The following NID1 variants were observed in gnomAD, a reference collection of about 807,000 sequenced individuals.
NID1 encodes the protein nidogen-1.
A neutral mutation model predicts 130.6 loss-of-function variants in NID1; 76 were observed. The ratio of observed to expected loss-of-function variants is 0.58; its 90% confidence interval spans 0.48 to 0.70. The LOEUF is 0.70. Among genes scored for constraint, NID1 ranks in the 30% least tolerant of loss-of-function variants. The pLI, the probability that NID1 is intolerant of heterozygous loss-of-function variation, is 0.00. For missense variants in NID1, 1,517 were observed against 1,664.8 expected (o/e 0.91, Z 1.54); for synonymous variants, 665 against 675.1 (o/e 0.98, Z 0.23).
At chr1:236,038,843 AT>A (rs1388512657) in intron 4 of NID1, among the ~76,000 whole-genome samples, 9 of 127,432 alleles carry the variant, frequency 7.1e-5, no homozygotes, top group African/African-American at 2.9e-4. Flanking sequence ...TATAATAAAT[AT>A]TACCTATGTT....
intron 5 of NID1, among the ~76,000 whole-genome samples, chr1:236,034,461 C>CATGAAATA (rs1659194400): frequency 6.7e-6 from 1 of 149,760 alleles, no homozygotes; most frequent in African/African-American, 2.5e-5. Context: ...AAGAAAAAGG[C>CATGAAATA]ATGAAATACT....
intron 12 of NID1, among the ~76,000 whole-genome samples, chr1:235,997,087 G>A (rs1657949280): frequency 1.3e-5 from 2 of 152,080 alleles, no homozygotes; most frequent in South Asian, 4.1e-4. Flanking sequence ...GCCCGCCTCA[G>A]CCTCCCAAAG....
At chr1:236,048,265 G>A (rs183360486) in intron 2 of NID1, among the ~76,000 whole-genome samples, 31 of 151,854 alleles carry the variant, frequency 2.0e-4, no homozygotes, top group African/African-American at 6.8e-4. Flanking sequence ...AACCGGGGAG[G>A]CGAAGCTTGC....
intron 1 of NID1, among the ~76,000 whole-genome samples, chr1:236,052,564 T>A (rs2102848525): frequency 6.6e-6 from 1 of 152,288 alleles, no homozygotes; most frequent in African/African-American, 2.4e-5. Context: ...CTCAAATAAC[T>A]TCATTGCATT....
chr1:236,031,547 C>CAAAG (rs1439613916), intron 6 of NID1, among the ~76,000 whole-genome samples: 109 of 152,330 alleles, frequency 7.2e-4, no homozygotes, highest in African/African-American at 2.5e-3. Flanking sequence ...GCAGTGTTTC[C>CAAAG]TCTAATAAAG....
At chr1:236,020,237 A>G (rs1437652533) in intron 9 of NID1, among the ~76,000 whole-genome samples, 2 of 152,108 alleles carry the variant, frequency 1.3e-5, no homozygotes, top group African/African-American at 4.8e-5. Flanking sequence ...CTTTCACAGG[A>G]TCACTTTCTA....
chr1:236,041,090 G>A (rs779916730), intron 4 of NID1, among the ~76,000 whole-genome samples: 7 of 150,926 alleles, frequency 4.6e-5, no homozygotes, highest in Non-Finnish European at 8.9e-5. Flanking sequence ...TCTTTTCGAG[G>A]CAGAGACTCA....
chr1:236,050,040 GAAA>G (rs61477102), intron 1 of NID1, among the ~76,000 whole-genome samples: 5 of 130,632 alleles, frequency 3.8e-5, no homozygotes, highest in African/African-American at 8.3e-5. Context: ...CATCTCAGGG[GAAA>G]AAAAAAAAAA....
At position 236,032,535 on chromosome 1, in the gene NID1, C is replaced by T. The variant is rs751680686; in HGVS notation, c.1403G>A (p.Arg468His). 9.3e-6 allele frequency: 15 copies of T among 1,614,004 alleles called. No homozygotes were observed. Among genetic ancestry groups the T allele is most frequent in the Admixed American group, 5.0e-5 (3 of 59,996 alleles). Residue 468 changes from arginine to histidine, a missense_variant, in exon 6 of 20, where the codon CGC (arginine) becomes CAC (histidine). Around this residue, in one of 3 missense-constraint regions of NID1, gnomAD observed 1,329 missense variants for 1,429.2 expected, o/e 0.93. Coordinates refer to ENST00000264187, the MANE Select transcript of NID1 (RefSeq NM_002508.3). ...AATGGTGCTGATGGCTGTGTAGGAG[C>T]GCCCGTGGTTCATTACTACGTAAGA... The part of the protein sequence containing the change: ...LHSYVVMNHG[R>H]SYTAISTIPE...
rs975349155 is a variant in NID1, at chr1:236,013,292, G to A, written c.2404+119C>T. On this transcript the variant is annotated intron_variant, in intron 11 of 19. Coordinates refer to ENST00000264187, the MANE Select transcript of NID1 (RefSeq NM_002508.3). ...TAAAAAGCAACACATTTACTCTGTG[G>A]AGATGACAGAAGAATTCTTTCTTCT... The A allele has an allele frequency of 7.3e-6, 8 of 1,090,380 alleles. No homozygotes were observed. In the East Asian group the frequency reaches 1.9e-4, roughly 26 times the overall value. 67.5% of individuals were successfully genotyped at this position (1,090,380 alleles called of 1,614,324 possible).
chr1:235,977,831 T>G lies in NID1; in HGVS notation c.*36A>C. 2 of 1,610,028 alleles carry G rather than the reference T, an allele frequency of 1.2e-6. No homozygotes were observed. Among genetic ancestry groups the G allele is most frequent in the Non-Finnish European group, 1.7e-6 (2 of 1,177,498 alleles). On this transcript the variant is annotated 3_prime_UTR_variant, in exon 20 of 20. Transcript: ENST00000264187. The stretch of plus-strand genomic sequence containing the variant: ...AGTTGCTTCAAGTAGAGTGTTGCTG[T>G]GAAATACTTGGAAAGGAAATAAGGC...
intron 13 of NID1, among the ~76,000 whole-genome samples, chr1:235,992,517 C>T (rs4660139): frequency 0.74 from 112,545 of 152,130 alleles, 41,908 homozygotes; most frequent in Admixed American, 0.8. Flanking sequence ...GTGGCTCACA[C>T]GGTGCTGCTT....
intron 9 of NID1, among the ~76,000 whole-genome samples, chr1:236,020,878 C>T (rs765748613): frequency 1.3e-5 from 2 of 152,150 alleles, no homozygotes; most frequent in African/African-American, 2.4e-5. Flanking sequence ...AGTCTACATG[C>T]GACCACCTGT....
chr1:235,981,064 C>A (rs1657422933), intron 16 of NID1, among the ~76,000 whole-genome samples: 1 of 152,192 alleles, frequency 6.6e-6, no homozygotes, highest in Non-Finnish European at 1.5e-5. Flanking sequence ...GGTCAAAGTA[C>A]CTGCCTTCAA....
intron 5 of NID1, among the ~76,000 whole-genome samples, chr1:236,036,573 G>A (rs1332517379): frequency 6.6e-6 from 1 of 152,182 alleles, no homozygotes; most frequent in Non-Finnish European, 1.5e-5. Flanking sequence ...ATCTGCTATG[G>A]CTTGAATGTC....
At chr1:236,052,201 C>G (rs1558449819) in intron 1 of NID1, among the ~76,000 whole-genome samples, 1 of 152,218 alleles carries the variant, frequency 6.6e-6, no homozygotes, top group African/African-American at 2.4e-5. Context: ...AAAAATATTC[C>G]CGTCCACTTG....
At chr1:236,057,591 G>A (rs187302712) in intron 1 of NID1, among the ~76,000 whole-genome samples, 11 of 151,826 alleles carry the variant, frequency 7.2e-5, no homozygotes, top group African/African-American at 2.4e-4. Context: ...TTAGCCGGGC[G>A]TGGTCATGCA....
chr1:236,038,016 T>A, intron 5 of NID1, 88 bp downstream of exon 5: 1 of 1,458,286 alleles, frequency 6.9e-7, no homozygotes, highest in Non-Finnish European at 9.2e-7. Flanking sequence ...TACGGAGATG[T>A]GGGTAAAGCA....
intron 2 of NID1, among the ~76,000 whole-genome samples, chr1:236,048,044 A>T (rs1316881285): frequency 6.8e-6 from 1 of 147,742 alleles, no homozygotes; most frequent in Non-Finnish European, 1.5e-5. Flanking sequence ...AAAAAAAAAA[A>T]AAAAAAAGGC....
Sources: allele counts gnomAD v4.1 joint callset (sites outside exome capture counted in the v4.1 genomes callset), GRCh38; gene constraint gnomAD v4.1.1; regional missense constraint gnomAD v4.1.1; transcripts MANE v1.5; gene names NCBI Gene and HGNC (gene_info 2026-07-23, HGNC 2026-07-21).